Variants in VPS33A observed in about 807,000 individuals in gnomAD.
The protein encoded by VPS33A is vacuolar protein sorting-associated protein 33A.
A neutral mutation model predicts 71.8 loss-of-function variants in VPS33A; 32 were observed. The observed-to-expected ratio is 0.45, with a 90% confidence interval of 0.34 to 0.60. VPS33A has a LOEUF of 0.60. Ranked by LOEUF, VPS33A falls within the 20% of genes least tolerant of loss-of-function variation. The pLI is 0.02. For synonymous variants in VPS33A, 311 were observed against 292.7 expected (o/e 1.06, Z -0.64); for missense variants, 625 against 748.5 (o/e 0.84, Z 1.92).
intron 7 of VPS33A, among the ~76,000 whole-genome samples, chr12:122,242,773 C>T (rs1403022158): frequency 2.0e-5 from 3 of 152,078 alleles, no homozygotes; most frequent in Non-Finnish European, 2.9e-5. Flanking sequence ...AGGCTGGTCT[C>T]GAACTCCTGA....
chr12:122,236,061 G>C (rs982961035), intron 10 of VPS33A, 138 bp from the exon 11 acceptor site: 2 of 1,051,314 alleles, frequency 1.9e-6, no homozygotes, highest in East Asian at 5.3e-5. Context: ...TTAGTGGATG[G>C]GCACAGAGGA....
At chr12:122,259,650 T>C (rs764705435) in intron 4 of VPS33A, among the ~76,000 whole-genome samples, 3 of 152,022 alleles carry the variant, frequency 2.0e-5, no homozygotes, top group South Asian at 2.1e-4. Flanking sequence ...TGAATGATAA[T>C]ATCATTACAA....
At chr12:122,237,604 C>A (rs1004780756) in intron 10 of VPS33A, among the ~76,000 whole-genome samples, 9 of 138,000 alleles carry the variant, frequency 6.5e-5, no homozygotes, top group Non-Finnish European at 9.0e-5. Flanking sequence ...ACTGCAGTGG[C>A]GCAATCTCGG....
chr12:122,242,954 A>T (rs1248226015), intron 7 of VPS33A, among the ~76,000 whole-genome samples: 1 of 152,178 alleles, frequency 6.6e-6, no homozygotes, highest in Non-Finnish European at 1.5e-5. Context: ...ACATTACATA[A>T]AAAAAGAGAA....
chr12:122,242,253 A>G, intron 8 of VPS33A, 129 bp downstream of exon 8: 1 of 1,164,674 alleles, frequency 8.6e-7, no homozygotes, highest in Non-Finnish European at 1.2e-6. Context: ...ATTAACACTG[A>G]GAAGAACACG....
rs1954537143 is a variant in VPS33A, at chr12:122,229,884, A to T, written c.*2362T>A. The stretch of plus-strand genomic sequence containing the variant: ...ATGCTCTGAGCAAGCAAGTATATAG[A>T]GTCTTGGGTGAGTGCAGACACATGA... On this transcript the variant is annotated 3_prime_UTR_variant, in exon 13 of 13. Coordinates refer to ENST00000267199, the MANE Select transcript of VPS33A (RefSeq NM_022916.6). 1 of 152,192 alleles carries T rather than the reference A, an allele frequency of 6.6e-6. No individual in the cohort carries two copies. The highest frequency in any genetic ancestry group is 2.4e-5 in the African/African-American group (1 of 41,428). 9.4% of individuals were successfully genotyped at this position (152,192 alleles called of 1,614,324 possible). A position where few individuals can be genotyped will look rare whatever the true frequency, so the allele number is the denominator to read the frequency against.
At chr12:122,250,489 ACTGACAGCCAGCAGCTCTGTGACTCGTGC>A (rs1262556023) in intron 5 of VPS33A, among the ~76,000 whole-genome samples, 1 of 152,178 alleles carries the variant, frequency 6.6e-6, no homozygotes, top group Non-Finnish European at 1.5e-5. Flanking sequence ...CTCACACTGA[ACTGACAGCCAGCAGCTCTGTGACTCGTGC>A]CTGAACGAAG....
At chr12:122,265,592 G>A (rs1955057069) in intron 1 of VPS33A, 2 of 341,508 alleles carry the variant, frequency 5.9e-6, no homozygotes, top group Admixed American at 3.3e-5. Context: ...CCCCTATGAT[G>A]TAGACTGCTT....
intron 4 of VPS33A, among the ~76,000 whole-genome samples, 153 bp downstream of exon 4, chr12:122,261,108 A>G (rs1364244778): frequency 6.6e-6 from 1 of 152,262 alleles, no homozygotes; most frequent in Non-Finnish European, 1.5e-5. Context: ...AAAAACGGGC[A>G]AAGAAAATGA....
chr12:122,257,672 CAA>C, intron 4 of VPS33A, among the ~76,000 whole-genome samples: 1 of 137,508 alleles, frequency 7.3e-6, no homozygotes, highest in South Asian at 2.3e-4. Flanking sequence ...GACTCCATCT[CAA>C]AAAAAAAAAG....
Position 122,235,812 on chromosome 12 carries a change from G to A in VPS33A, c.1414C>T (p.Leu472Phe), listed in dbSNP as rs1252666084. Residue 472 changes from leucine to phenylalanine, a missense_variant, in exon 11 of 13, where the codon CTC (leucine) becomes TTC (phenylalanine). Transcript: ENST00000267199. ...NYPTIRKTLR[L>F]WMDDVNEQNP... The stretch of plus-strand genomic sequence containing the variant: ...TGCTCATTAACATCATCCATCCAGA[G>A]GCGTAATGTTTTCCGTATAGTTGGG... 3 of 1,613,494 alleles carry A rather than the reference G, an allele frequency of 1.9e-6. No individual in the cohort carries two copies. Among genetic ancestry groups the A allele is most frequent in the Non-Finnish European group, 2.5e-6 (3 of 1,179,790 alleles).
chr12:122,250,280 G>C, intron 5 of VPS33A: 1 of 471,010 alleles, frequency 2.1e-6, no homozygotes, highest in South Asian at 3.2e-5. Flanking sequence ...GTCTATTCTT[G>C]TGATTCGCAG....
At chr12:122,259,931 T>C (rs906577863) in intron 4 of VPS33A, among the ~76,000 whole-genome samples, 1 of 152,014 alleles carries the variant, frequency 6.6e-6, no homozygotes, top group South Asian at 2.1e-4. Flanking sequence ...TAGTTCCAGC[T>C]ACTCAAAAGG....
chr12:122,255,432 G>A (rs866443538), intron 4 of VPS33A, among the ~76,000 whole-genome samples: 2 of 152,194 alleles, frequency 1.3e-5, no homozygotes, highest in African/African-American at 2.4e-5. Context: ...AGGGTTGGGC[G>A]CAATGGCCCA....
At position 122,236,775 on chromosome 12, in the gene VPS33A, T is replaced by C. The variant is rs145079568; in HGVS notation, c.1303-852A>G. ...CATGACGTAGGTATCATTACCTTCA[T>C]TTTACAGAGATGTTTAAATAACCTG... is the stretch of plus-strand genomic sequence containing the variant. On this transcript the variant is annotated intron_variant, in intron 10 of 12. Transcript: ENST00000267199. Among the ~76,000 whole-genome samples the C allele has an allele frequency of 5.3e-3, 809 of 152,380 alleles. 8 individuals carry two copies. The highest frequency in any genetic ancestry group is 0.019 in the African/African-American group (784 of 41,588).
intron 4 of VPS33A, among the ~76,000 whole-genome samples, chr12:122,257,422 G>A: frequency 1.1e-5 from 1 of 87,556 alleles, no homozygotes; most frequent in Non-Finnish European, 2.0e-5. Flanking sequence ...GTGAGACTCT[G>A]CCTCAAAAAA....
In VPS33A at chr12:122,229,745, CT is replaced by C. The variant is rs1266608606; in HGVS notation, c.*2500del. ...AAGACTGCTTCAAGTATTAAATGAACTTACACAAAGGCGTATAATATATAAT... is the reference window on the plus strand; with the variant it reads ...AAGACTGCTTCAAGTATTAAATGAACTACACAAAGGCGTATAATATATAAT... On this transcript the variant is annotated 3_prime_UTR_variant, in exon 13 of 13. Coordinates refer to ENST00000267199, the MANE Select transcript of VPS33A (RefSeq NM_022916.6). 6.6e-6 allele frequency: 1 copy of C among 152,218 alleles called. No individual in the cohort carries two copies. Among genetic ancestry groups the C allele is most frequent in the Non-Finnish European group, 1.5e-5 (1 of 68,036 alleles). The allele number at this position is 152,218 out of a possible 1,614,324, so 9.4% of individuals were successfully genotyped here.
intron 8 of VPS33A, among the ~76,000 whole-genome samples, chr12:122,240,630 T>C (rs760052712): frequency 2.0e-5 from 3 of 152,246 alleles, no homozygotes; most frequent in African/African-American, 7.2e-5. Context: ...GATTTTCCGA[T>C]AACTGTGATT....
intron 1 of VPS33A, 72 bp from the exon 2 acceptor site, chr12:122,264,271 C>A: frequency 1.7e-6 from 2 of 1,206,244 alleles, no homozygotes; most frequent in Non-Finnish European, 2.3e-6. Context: ...TAAAAAATAG[C>A]CTAACAGGAG....
Sources: allele counts gnomAD v4.1 joint callset (sites outside exome capture counted in the v4.1 genomes callset), GRCh38; gene constraint gnomAD v4.1.1; transcripts MANE v1.5; gene names NCBI Gene and HGNC (gene_info 2026-07-23, HGNC 2026-07-21).